POU2F2: variants seen among roughly 807,000 people sequenced by gnomAD.
The protein encoded by POU2F2 is POU domain, class 2, transcription factor 2.
Under a neutral mutation model 63.5 loss-of-function variants are expected in POU2F2, and 14 were observed. That is an observed-to-expected ratio of 0.22 (90% CI 0.15 to 0.34). The LOEUF (loss-of-function observed/expected upper bound fraction) is 0.34. POU2F2 is among the 10% of genes least tolerant of loss of function. The pLI, the probability that POU2F2 is intolerant of heterozygous loss-of-function variation, is 1.00. For missense variants in POU2F2, 607 were observed against 815.2 expected, an observed-to-expected ratio of 0.74 and a Z score of 3.11; for synonymous variants, 306 against 348.6, an observed-to-expected ratio of 0.88 and a Z score of 1.36.
chr19:42,175,288 GT>G (rs1372811730), intron 1 of POU2F2, among the ~76,000 whole-genome samples: 1 of 152,198 alleles, frequency 6.6e-6, no homozygotes, highest in Non-Finnish European at 1.5e-5. Flanking sequence ...AATACATGGG[GT>G]TTCAGAACAG....
Position 42,117,272 on chromosome 19 carries a change from A to G in POU2F2, c.347T>C (p.Leu116Ser). 2 of 1,489,532 alleles carry G rather than the reference A, an allele frequency of 1.3e-6. No homozygotes were observed. The highest frequency in any genetic ancestry group is 1.8e-6 in the Non-Finnish European group (2 of 1,125,776). The allele number at this position is 1,489,532 out of a possible 1,614,324, so 92.3% of individuals were successfully genotyped here. Residue 116 changes from leucine (L) to serine (S), a missense_variant, in exon 5 of 15, where the codon TTG becomes TCG. Physicochemically the swap from Leu to Ser is moderately radical, Grantham distance 145. Coordinates refer to ENST00000692977, the MANE Select transcript of POU2F2 (RefSeq NM_001394376.1). This position sits in a 1 kb window ranked among gnomAD's most constrained non-coding sequence, Gnocchi z 4.4. Reference sequence around the variant, plus strand: ...TACCCCAGCTAGCTGGCTGCCCGTCAACATGAGTTGGGCCTGGGGCAGATG... The same window carrying G: ...TACCCCAGCTAGCTGGCTGCCCGTCGACATGAGTTGGGCCTGGGGCAGATG... ...QPHLPQAQLM[L>S]TGSQLAGDIQ... is the part of the protein sequence containing the mutation.
intron 5 of POU2F2, among the ~76,000 whole-genome samples, chr19:42,100,881 C>T (rs550417763): frequency 2.4e-4 from 37 of 152,274 alleles, no homozygotes; most frequent in African/African-American, 8.7e-4. Flanking sequence ...AGGCGGATCA[C>T]GAGGTCAGGA....
At chr19:42,174,369 C>T (rs1404434772) in intron 1 of POU2F2, among the ~76,000 whole-genome samples, 3 of 152,240 alleles carry the variant, frequency 2.0e-5, no homozygotes, top group East Asian at 1.9e-4. Context: ...CAAAGTGTCA[C>T]GTGTCCACTG....
At chr19:42,151,114 T>A (rs1287647996) in intron 2 of POU2F2, among the ~76,000 whole-genome samples, 1 of 152,174 alleles carries the variant, frequency 6.6e-6, no homozygotes, top group Non-Finnish European at 1.5e-5. Context: ...GAACTGTCTG[T>A]CAAGGTGGCT....
rs2076864921 is a variant in POU2F2, at chr19:42,095,026, CTG to C, written c.1197+258_1197+259del. On this transcript the variant is annotated intron_variant, in intron 11 of 14. Coordinates refer to ENST00000692977, the MANE Select transcript of POU2F2 (RefSeq NM_001394376.1). This position sits in a 1 kb window ranked among gnomAD's most constrained non-coding sequence, Gnocchi z 7.1. Reference sequence around the variant, plus strand: ...CACGTCCCTGGACATATATCCCTTCCTGTGTGGCTATGGCACTGTGATAACTC... The same window carrying C: ...CACGTCCCTGGACATATATCCCTTCCTGTGGCTATGGCACTGTGATAACTC... Among the ~76,000 whole-genome samples, 1 of 152,204 alleles carries C rather than the reference CTG, an allele frequency of 6.6e-6. No homozygotes were observed. The highest frequency in any genetic ancestry group is 2.4e-5 in the African/African-American group (1 of 41,448).
Position 42,095,185 on chromosome 19 carries a change from G to T in POU2F2, c.1197+101C>A, listed in dbSNP as rs1221983886. 2.2e-6 allele frequency: 3 copies of T among 1,363,684 alleles called. No homozygotes were observed. Among genetic ancestry groups the T allele is most frequent in the Non-Finnish European group, 2.0e-6 (2 of 1,022,524 alleles). 84.5% of individuals were successfully genotyped at this position (1,363,684 alleles called of 1,614,324 possible). ...CCTGTCTCCAAGAGTGACTCTTCTT[G>T]TCTCTGTTCTAGGCTCTGTGGACAA... On this transcript the variant is annotated intron_variant, in intron 11 of 14. Coordinates refer to ENST00000692977, the MANE Select transcript of POU2F2 (RefSeq NM_001394376.1). The surrounding 1 kb of genome is among the most constrained non-coding windows in gnomAD (Gnocchi z 7.1).
intron 1 of POU2F2, chr19:42,196,261 C>T (rs1230313187): frequency 6.6e-6 from 1 of 152,162 alleles, no homozygotes; most frequent in African/African-American, 2.4e-5. Flanking sequence ...ACATGATCTC[C>T]TTGTGTGTAA....
Position 42,086,750 on chromosome 19 carries a change from G to C in POU2F2, c.*4507C>G, listed in dbSNP as rs1243637217. The C allele has an allele frequency of 6.6e-6, 1 of 152,062 alleles. No individual in the cohort carries two copies. Among genetic ancestry groups the C allele is most frequent in the African/African-American group, 2.4e-5 (1 of 41,388 alleles). 9.4% of individuals were successfully genotyped at this position (152,062 alleles called of 1,614,324 possible). A position where few individuals can be genotyped will look rare whatever the true frequency, so the allele number is the denominator to read the frequency against. On this transcript the variant is annotated 3_prime_UTR_variant, in exon 15 of 15. Transcript: ENST00000692977. ...AATTATATAAATAAATAAATACTGA[G>C]CCCCTGGGTTTGGGGGACATATTGG...
intron 2 of POU2F2, among the ~76,000 whole-genome samples, chr19:42,142,945 G>A (rs1485704716): frequency 6.6e-6 from 1 of 152,142 alleles, no homozygotes; most frequent in African/African-American, 2.4e-5. Context: ...TCCCAAAAGT[G>A]AGAATTGTAG....
At chr19:42,131,099 C>A (rs2033684797) in intron 1 of POU2F2, among the ~76,000 whole-genome samples, 1 of 135,748 alleles carries the variant, frequency 7.4e-6, no homozygotes, top group Non-Finnish European at 1.6e-5. Flanking sequence ...GCCCACCACC[C>A]CAGCCCTGAC....
chr19:42,187,177 G>A (rs1046978358), intron 1 of POU2F2, among the ~76,000 whole-genome samples: 1 of 152,114 alleles, frequency 6.6e-6, no homozygotes, highest in African/African-American at 2.4e-5. Flanking sequence ...TCAAAGGTGG[G>A]CAGAGGTCAG....
intron 1 of POU2F2, among the ~76,000 whole-genome samples, chr19:42,174,851 G>A (rs2034842662): frequency 6.6e-6 from 1 of 152,110 alleles, no homozygotes; most frequent in Admixed American, 6.5e-5. Flanking sequence ...GATGGCAAGA[G>A]ACTAAAAGCT....
intron 2 of POU2F2, 40 bp from the exon 3 acceptor site, chr19:42,122,418 C>G (rs759039895): frequency 6.2e-7 from 1 of 1,612,438 alleles, no homozygotes; most frequent in South Asian, 1.1e-5. Flanking sequence ...ATCAGCCACC[C>G]CCACCACACC....
intron 1 of POU2F2, among the ~76,000 whole-genome samples, chr19:42,184,896 C>T (rs1409911813): frequency 6.6e-6 from 1 of 152,058 alleles, no homozygotes; most frequent in Non-Finnish European, 1.5e-5. Flanking sequence ...GATACCCAGC[C>T]ACCTCCTAGA....
intron 1 of POU2F2, among the ~76,000 whole-genome samples, chr19:42,184,092 G>A (rs908768263): frequency 1.4e-5 from 2 of 147,588 alleles, no homozygotes; most frequent in Non-Finnish European, 1.5e-5. Flanking sequence ...CTGCCACCTC[G>A]ACCTTCTCCT....
intron 5 of POU2F2, among the ~76,000 whole-genome samples, chr19:42,107,568 A>G (rs2030315479): frequency 6.6e-6 from 1 of 152,144 alleles, no homozygotes; most frequent in Admixed American, 6.5e-5. Flanking sequence ...ATCTGCGTAC[A>G]TTCTCTTGGT....
Position 42,122,323 on chromosome 19 carries a change from GCT to G in POU2F2, c.129+19_129+20del. ...TCCCCATTCCTTCCCACCCCCTCCC[GCT>G]TATCCACTCCCTCCTAACCTGATGA... is the stretch of plus-strand genomic sequence containing the variant. On this transcript the variant is annotated intron_variant, in intron 3 of 14. Coordinates refer to ENST00000692977, the MANE Select transcript of POU2F2 (RefSeq NM_001394376.1). 2.2e-6 allele frequency: 1 copy of G among 454,046 alleles called. No homozygotes were observed. The highest frequency in any genetic ancestry group is 3.3e-6 in the Non-Finnish European group (1 of 300,298). The allele number at this position is 454,046 out of a possible 1,614,324, so 28.1% of individuals were successfully genotyped here.
chr19:42,149,952 G>T (rs1258337967), intron 2 of POU2F2, among the ~76,000 whole-genome samples: 1 of 152,186 alleles, frequency 6.6e-6, no homozygotes, highest in Non-Finnish European at 1.5e-5. Flanking sequence ...AGTTCAGTGT[G>T]GAAGGGGCAG....
At position 42,125,697 on chromosome 19, in the gene POU2F2, C is replaced by T. The variant is rs368381210; in HGVS notation, c.29-3121G>A. 8.1e-4 allele frequency among the ~76,000 whole-genome samples: 123 copies of T among 152,342 alleles called. 2 individuals are homozygous for T. In the South Asian group the frequency reaches 0.025, roughly 31 times the overall value. ...CCTCCTCTGGCCTCCGTCCCTCCAGCGGAGCTCCACATTGCCTCAGGGCAA... is the reference window on the plus strand; with the variant it reads ...CCTCCTCTGGCCTCCGTCCCTCCAGTGGAGCTCCACATTGCCTCAGGGCAA... On this transcript the variant is annotated intron_variant, in intron 1 of 14. Transcript: ENST00000692977.
Sources: allele counts gnomAD v4.1 joint callset (sites outside exome capture counted in the v4.1 genomes callset), GRCh38; gene constraint gnomAD v4.1.1; non-coding constraint Gnocchi (gnomAD v3.1); transcripts MANE v1.5; gene names NCBI Gene and HGNC (gene_info 2026-07-23, HGNC 2026-07-21).